EP400: variants seen among roughly 807,000 people sequenced by gnomAD.
The protein encoded by EP400 is E1A binding protein p400.
In EP400, 105 loss-of-function variants were observed where a neutral mutation model predicts 354.1. The ratio of observed to expected loss-of-function variants is 0.30; its 90% confidence interval spans 0.25 to 0.35. The LOEUF (loss-of-function observed/expected upper bound fraction) is 0.35, where lower values mean the gene tolerates loss of function less well. Among genes scored for constraint, EP400 ranks in the 10% least tolerant of loss-of-function variants. The pLI, the probability that EP400 is intolerant of heterozygous loss-of-function variation, is 1.00. For missense variants in EP400, 3,280 were observed against 4,121.0 expected (o/e 0.80, Z 5.59); for synonymous variants, 1,646 against 1,716.9 (o/e 0.96, Z 1.02).
At chr12:131,997,404 G>A (rs923481220) in intron 12 of EP400, among the ~76,000 whole-genome samples, 1 of 151,880 alleles carries the variant, frequency 6.6e-6, no homozygotes, top group Admixed American at 6.6e-5. Context: ...AAGTAGCTGG[G>A]ACTATAGTGC....
Position 132,054,955 on chromosome 12 carries a change from A to AT in EP400, c.7729-7dup, listed in dbSNP as rs57520767. The stretch of plus-strand genomic sequence containing the variant: ...AGAGCCTGACGTGAAATTCAAATGG[A>AT]TTTTTTTTTTTTAAATAGGCAGGAA... On this transcript the variant is annotated intron_variant, in intron 43 of 52. Transcript: ENST00000389561. The surrounding 1 kb of genome is among the most constrained non-coding windows in gnomAD (Gnocchi z 4.0). 0.018 allele frequency: 20,962 copies of AT among 1,195,292 alleles called. 84 individuals are homozygous for AT. The highest frequency in any genetic ancestry group is 0.098 in the South Asian group (7,174 of 72,838). 74.0% of individuals were successfully genotyped at this position (1,195,292 alleles called of 1,614,324 possible).
intron 2 of EP400, among the ~76,000 whole-genome samples, chr12:131,965,403 G>A (rs1204450652): frequency 1.3e-5 from 2 of 152,108 alleles, no homozygotes; most frequent in African/African-American, 4.8e-5. Context: ...TCCATGCTGG[G>A]TTTTCTAACT....
At chr12:131,998,602 T>C (rs529734696) in intron 12 of EP400, among the ~76,000 whole-genome samples, 2 of 151,226 alleles carry the variant, frequency 1.3e-5, no homozygotes, top group African/African-American at 4.8e-5. Flanking sequence ...ATTTCTCTTA[T>C]ACTCAGCAAC....
chr12:132,028,172 C>A lies in EP400; in HGVS notation c.5265C>A (p.Gly1755=), dbSNP rs1894370189. 4 of 1,614,022 alleles carry A rather than the reference C, an allele frequency of 2.5e-6. No homozygotes were observed. The African/African-American group carries it at 4.0e-5, about 16-fold the overall frequency. ...GRVQWRGSLD[G]RRGKEAGPAH... ...TACAGTGGCGTGGGTCCCTGGATGG[C>A]CGTCGTGGGAAGGAGGCCGGGCCAG... Residue 1755 remains glycine, a synonymous_variant, in exon 27 of 53, where the codon GGC becomes GGA. Coordinates refer to ENST00000389561, the MANE Select transcript of EP400 (RefSeq NM_015409.5).
At chr12:131,999,526 C>T (rs1893335973) in intron 12 of EP400, among the ~76,000 whole-genome samples, 1 of 152,094 alleles carries the variant, frequency 6.6e-6, no homozygotes, top group Admixed American at 6.5e-5. Context: ...GCAACCTCCG[C>T]CTCCTGGGTT....
chr12:132,043,175 G>A (rs1894972483), intron 32 of EP400, 129 bp from the exon 33 acceptor site: 2 of 974,434 alleles, frequency 2.1e-6, no homozygotes, highest in South Asian at 3.8e-5. Flanking sequence ...GGAAGGAGTG[G>A]ATTACCTTTA....
chr12:132,070,480 C>G lies in EP400; in HGVS notation c.9021+839C>G, dbSNP rs73164908. Among the ~76,000 whole-genome samples the G allele has an allele frequency of 6.3e-3, 954 of 152,386 alleles. 12 individuals are homozygous for G. The highest frequency in any genetic ancestry group is 0.021 in the African/African-American group (894 of 41,592). On this transcript the variant is annotated intron_variant, in intron 51 of 52. Transcript: ENST00000389561. This position sits in a 1 kb window ranked among gnomAD's most constrained non-coding sequence, Gnocchi z 4.1. ...CCCACGGCGCTCTCGCTATGAGCGG[C>G]AGTGACACTTGGTGTCTGGAGGGCG...
At position 131,987,905 on chromosome 12, in the gene EP400, G is replaced by A. The variant is rs1236528764; in HGVS notation, c.2409+15G>A. ...CTGCGAAGAAGGTGGGTTGGAATGCGTGGAGCTGCTGTGCTGTGTGCGTTG... is the reference window on the plus strand; with the variant it reads ...CTGCGAAGAAGGTGGGTTGGAATGCATGGAGCTGCTGTGCTGTGTGCGTTG... On this transcript the variant is annotated intron_variant, in intron 7 of 52. Transcript: ENST00000389561. The A allele has an allele frequency of 7.5e-6, 12 of 1,595,824 alleles. No individual in the cohort carries two copies. Among genetic ancestry groups the A allele is most frequent in the South Asian group, 2.3e-5 (2 of 87,250 alleles).
At chr12:132,071,346 C>T (rs1238963328) in intron 51 of EP400, among the ~76,000 whole-genome samples, 1 of 152,164 alleles carries the variant, frequency 6.6e-6, no homozygotes, top group African/African-American at 2.4e-5. Context: ...ATTCTTCATC[C>T]TACCTGCCTT....
Position 132,050,170 on chromosome 12 carries a change from T to C in EP400, c.7201-153T>C, listed in dbSNP as rs1056871341. Among the ~76,000 whole-genome samples, 3 of 152,224 alleles carry C rather than the reference T, an allele frequency of 2.0e-5. No individual in the cohort carries two copies. Among genetic ancestry groups the C allele is most frequent in the African/African-American group, 7.2e-5 (3 of 41,450 alleles). The stretch of plus-strand genomic sequence containing the variant: ...ACTTAATGCCGCTGCTGTTGGGTTA[T>C]GCCTGAACTTGGAAAGAAGGCCCAG... On this transcript the variant is annotated intron_variant, in intron 39 of 52. Transcript: ENST00000389561. The surrounding 1 kb of genome is among the most constrained non-coding windows in gnomAD (Gnocchi z 4.8).
intron 2 of EP400, among the ~76,000 whole-genome samples, chr12:131,971,667 T>A (rs1256061866): frequency 6.6e-6 from 1 of 152,018 alleles, no homozygotes; most frequent in Non-Finnish European, 1.5e-5. Context: ...GAAGCGGGTG[T>A]ATGGAGTTTT....
intron 2 of EP400, among the ~76,000 whole-genome samples, chr12:131,978,847 T>C (rs552670497): frequency 4.3e-4 from 66 of 152,266 alleles, no homozygotes; most frequent in Non-Finnish European, 7.8e-4. Context: ...TTAAATAACA[T>C]CTGTCTATTT....
intron 3 of EP400, 21 bp from the exon 4 acceptor site, chr12:131,981,468 C>A: frequency 6.5e-7 from 1 of 1,534,064 alleles, no homozygotes; most frequent in South Asian, 1.2e-5. Flanking sequence ...CAAACTGCAC[C>A]TTTTTTGAAA....
intron 15 of EP400, among the ~76,000 whole-genome samples, chr12:132,009,026 A>G (rs1254459201): frequency 7.9e-6 from 1 of 126,264 alleles, no homozygotes; most frequent in Non-Finnish European, 1.6e-5. Context: ...TGATCCTCCC[A>G]CCTCAGCCTC....
At chr12:132,076,180 C>CA (rs1896232219) in intron 51 of EP400, 2 of 400,068 alleles carry the variant, frequency 5.0e-6, no homozygotes, top group East Asian at 1.2e-4. Flanking sequence ...CCTTGGGACT[C>CA]ACAAGACGCT....
intron 51 of EP400, among the ~76,000 whole-genome samples, chr12:132,071,683 G>A (rs563972014): frequency 6.6e-6 from 1 of 152,218 alleles, no homozygotes; most frequent in South Asian, 2.1e-4. Flanking sequence ...TGGGTCGGGG[G>A]TGTGGGGGTG....
chr12:132,080,325 G>A lies in EP400; in HGVS notation c.*2652G>A, dbSNP rs1289359944. On this transcript the variant is annotated 3_prime_UTR_variant, in exon 53 of 53. Coordinates refer to ENST00000389561, the MANE Select transcript of EP400 (RefSeq NM_015409.5). ...ACTGTTGTAACCAGTTAGCTGTTGT[G>A]TTTTAAGATAGAAAGGAACAAGACT... 1 of 152,578 alleles carries A rather than the reference G, an allele frequency of 6.6e-6. No individual in the cohort carries two copies. The highest frequency in any genetic ancestry group is 1.5e-5 in the Non-Finnish European group (1 of 68,026). The allele number at this position is 152,578 out of a possible 1,614,324, so 9.5% of individuals were successfully genotyped here. A position where few individuals can be genotyped will look rare whatever the true frequency, so the allele number is the denominator to read the frequency against.
chr12:131,995,020 T>C, intron 12 of EP400, 64 bp downstream of exon 12: 2 of 1,456,404 alleles, frequency 1.4e-6, no homozygotes, highest in Non-Finnish European at 1.9e-6. Context: ...ACATGTGAGA[T>C]GTGAATAATA....
chr12:132,055,723 GT>G (rs1895482436), intron 45 of EP400, among the ~76,000 whole-genome samples: 1 of 149,466 alleles, frequency 6.7e-6, no homozygotes, highest in Non-Finnish European at 1.5e-5. Flanking sequence ...TGTGTGAAGT[GT>G]AGGGGTGTGT....
Sources: gnomAD v4.1 joint callset for allele counts (sites outside exome capture counted in the v4.1 genomes callset) on GRCh38, gnomAD v4.1.1 for gene constraint, Gnocchi (gnomAD v3.1) non-coding constraint, MANE v1.5 for transcripts, NCBI Gene and HGNC (gene_info 2026-07-23, HGNC 2026-07-21) for gene names.